ATP8A2: variants seen among roughly 807,000 people sequenced by gnomAD.
ATP8A2 encodes phospholipid-transporting ATPase IB.
Under a neutral mutation model 165.6 loss-of-function variants are expected in ATP8A2, and 100 were observed. The ratio of observed to expected loss-of-function variants is 0.60; its 90% confidence interval spans 0.51 to 0.71. The LOEUF (loss-of-function observed/expected upper bound fraction) is 0.71. ATP8A2 is among the 30% of genes least tolerant of loss of function. The pLI is 0.00. For synonymous variants in ATP8A2, 543 were observed against 548.8 expected (o/e 0.99, Z 0.15); for missense variants, 1,227 against 1,479.5 (o/e 0.83, Z 2.80).
chr13:25,444,940 G>A (rs781195933), intron 1 of ATP8A2, among the ~76,000 whole-genome samples: 20 of 152,066 alleles, frequency 1.3e-4, no homozygotes, highest in African/African-American at 2.4e-5. Flanking sequence ...ACCCGGCCCC[G>A]AGCATCTTTT....
At chr13:25,817,563 A>G (rs772545578) in intron 27 of ATP8A2, among the ~76,000 whole-genome samples, 1 of 152,210 alleles carries the variant, frequency 6.6e-6, no homozygotes, top group Non-Finnish European at 1.5e-5. Context: ...GGAAAAGAAA[A>G]TGCCAGACTA....
At chr13:25,987,643 C>T (rs1416041830) in intron 35 of ATP8A2, among the ~76,000 whole-genome samples, 1 of 152,184 alleles carries the variant, frequency 6.6e-6, no homozygotes, top group Non-Finnish European at 1.5e-5. Flanking sequence ...TTGCCAAGAC[C>T]ACCTGTAGCC....
At chr13:25,811,198 A>G (rs1255820176) in intron 27 of ATP8A2, among the ~76,000 whole-genome samples, 2 of 152,194 alleles carry the variant, frequency 1.3e-5, no homozygotes, top group Non-Finnish European at 2.9e-5. Context: ...ATGATTTAAA[A>G]TTGATAATTA....
chr13:25,418,210 CTG>C (rs764562898), intron 1 of ATP8A2, among the ~76,000 whole-genome samples: 10 of 152,160 alleles, frequency 6.6e-5, no homozygotes, highest in Non-Finnish European at 1.0e-4. Context: ...TAATGGGACT[CTG>C]TATCAAAAGA....
chr13:25,836,623 G>A (rs1951616692), intron 28 of ATP8A2, among the ~76,000 whole-genome samples: 1 of 152,120 alleles, frequency 6.6e-6, no homozygotes, highest in Admixed American at 6.5e-5. Flanking sequence ...GCAGTAGATG[G>A]CGTTCCTGGA....
chr13:25,710,403 A>G (rs1218506495), intron 25 of ATP8A2, among the ~76,000 whole-genome samples: 1 of 152,046 alleles, frequency 6.6e-6, no homozygotes. Flanking sequence ...CCGTTAGCCA[A>G]CCCCTCTGTA....
At chr13:25,956,996 A>G (rs940885865) in intron 33 of ATP8A2, among the ~76,000 whole-genome samples, 1 of 152,206 alleles carries the variant, frequency 6.6e-6, no homozygotes, top group Non-Finnish European at 1.5e-5. Flanking sequence ...TCTTTGACAA[A>G]CCTGACAAAA....
At chr13:25,822,115 C>A (rs1225117470) in intron 27 of ATP8A2, among the ~76,000 whole-genome samples, 2 of 152,072 alleles carry the variant, frequency 1.3e-5, no homozygotes, top group African/African-American at 4.8e-5. Flanking sequence ...AGATTCTTAT[C>A]TTGCAGTGCA....
chr13:25,465,915 A>G (rs1359964682), intron 1 of ATP8A2, among the ~76,000 whole-genome samples: 1 of 151,374 alleles, frequency 6.6e-6, no homozygotes, highest in African/African-American at 2.4e-5. Context: ...ATGAGCCACC[A>G]TGCCCAGCTG....
intron 33 of ATP8A2, among the ~76,000 whole-genome samples, chr13:25,949,129 G>A (rs1024808774): frequency 1.3e-5 from 2 of 152,234 alleles, no homozygotes; most frequent in African/African-American, 2.4e-5. Flanking sequence ...TGGTGTCAGA[G>A]GGCGTGTGTT....
intron 22 of ATP8A2, among the ~76,000 whole-genome samples, chr13:25,580,958 T>A (rs191637621): frequency 6.6e-6 from 1 of 152,362 alleles, no homozygotes; most frequent in East Asian, 1.9e-4. Context: ...TATATTCAGT[T>A]ATTTATATTC....
At chr13:25,921,674 C>T (rs146535866) in intron 33 of ATP8A2, among the ~76,000 whole-genome samples, 45 of 151,074 alleles carry the variant, frequency 3.0e-4, no homozygotes, top group East Asian at 3.9e-4. Context: ...TTTTGTTCTA[C>T]GTGTAATTTA....
chr13:25,789,780 A>G (rs965735496), intron 27 of ATP8A2, among the ~76,000 whole-genome samples: 2 of 152,340 alleles, frequency 1.3e-5, no homozygotes, highest in Middle Eastern at 3.4e-3. Context: ...AGGCAATCCT[A>G]AGCAAAAAGA....
At chr13:25,406,450 A>G (rs1014695171) in intron 1 of ATP8A2, among the ~76,000 whole-genome samples, 39 of 152,348 alleles carry the variant, frequency 2.6e-4, no homozygotes, top group African/African-American at 9.4e-4. Context: ...GGAGTTAATC[A>G]AAAGCCAACA....
intron 24 of ATP8A2, among the ~76,000 whole-genome samples, chr13:25,617,644 G>A (rs1378055106): frequency 6.6e-6 from 1 of 152,130 alleles, no homozygotes; most frequent in African/African-American, 2.4e-5. Context: ...GCTGTTTATT[G>A]TGTTTTTTTG....
intron 2 of ATP8A2, among the ~76,000 whole-genome samples, chr13:25,513,503 G>A (rs1011473310): frequency 8.0e-5 from 12 of 149,560 alleles, no homozygotes; most frequent in African/African-American, 1.5e-4. Context: ...GGCTCCTCAC[G>A]TCCCAGAAGA....
At chr13:25,982,063 G>T (rs1474909294) in intron 35 of ATP8A2, among the ~76,000 whole-genome samples, 2 of 152,158 alleles carry the variant, frequency 1.3e-5, no homozygotes, top group Non-Finnish European at 2.9e-5. Context: ...TTAGATGGGA[G>T]AAATTTTAGA....
In ATP8A2 at chr13:25,773,563, C is replaced by T. The variant is rs147418587; in HGVS notation, c.2569-1286C>T. ...TGGCTCCAACTCAAACCACAGGAGC[C>T]ATCACATCACTCCCAGCTTGGGACC... is the stretch of plus-strand genomic sequence containing the variant. On this transcript the variant is annotated intron_variant, in intron 26 of 36. Transcript: ENST00000381655. Among the ~76,000 whole-genome samples the T allele has an allele frequency of 1.3e-3, 200 of 152,270 alleles. 1 individual carries two copies. Among genetic ancestry groups the T allele is most frequent in the African/African-American group, 4.5e-3 (189 of 41,550 alleles).
chr13:25,375,552 A>AC (rs1413833292), intron 1 of ATP8A2, among the ~76,000 whole-genome samples: 1 of 151,490 alleles, frequency 6.6e-6, no homozygotes, highest in African/African-American at 2.4e-5. Context: ...AAGTGCACAG[A>AC]CCAAGTGCAG....
Sources: gnomAD v4.1 joint callset for allele counts (sites outside exome capture counted in the v4.1 genomes callset) on GRCh38, gnomAD v4.1.1 for gene constraint, MANE v1.5 for transcripts, NCBI Gene and HGNC (gene_info 2026-07-23, HGNC 2026-07-21) for gene names.